The following SAMD12 variants were observed in gnomAD, a reference collection of about 807,000 sequenced individuals.
SAMD12 encodes the protein sterile alpha motif domain-containing protein 12.
SAMD12 carries 9 observed loss-of-function variants against 15.0 expected under a neutral mutation model. The observed-to-expected ratio is 0.60, with a 90% CI of 0.36 to 1.05. The LOEUF (loss-of-function observed/expected upper bound fraction) is 1.05, where lower values mean the gene tolerates loss of function less well. Ranked by LOEUF, SAMD12 falls within the 50% of genes least tolerant of loss-of-function variation. SAMD12 has a pLI of 0.01. For synonymous variants in SAMD12, 86 were observed against 90.1 expected (o/e 0.96, Z 0.25); for missense variants, 230 against 234.2 (o/e 0.98, Z 0.12).
At chr8:118,322,489 C>T (rs990931363) in intron 4 of SAMD12, among the ~76,000 whole-genome samples, 1 of 152,240 alleles carries the variant, frequency 6.6e-6, no homozygotes. Context: ...AGTCTGTTCT[C>T]AGTCATGTTC....
chr8:118,252,659 CCT>C (rs1467605009), intron 4 of SAMD12, among the ~76,000 whole-genome samples: 2 of 152,056 alleles, frequency 1.3e-5, no homozygotes, highest in Non-Finnish European at 2.9e-5. Flanking sequence ...TCTTTTCCTT[CCT>C]CTTTCTCTTT....
intron 2 of SAMD12, among the ~76,000 whole-genome samples, chr8:118,535,619 T>C (rs961257799): frequency 3.3e-5 from 5 of 152,206 alleles, no homozygotes; most frequent in Non-Finnish European, 7.4e-5. Context: ...CCCAGCTGCT[T>C]TGTTTACCTA....
chr8:118,446,157 T>C (rs1295368712), intron 2 of SAMD12, among the ~76,000 whole-genome samples: 15 of 152,022 alleles, frequency 9.9e-5, no homozygotes, highest in Admixed American at 9.2e-4. Flanking sequence ...GACAAAGTCC[T>C]GGGACCATAA....
intron 4 of SAMD12, among the ~76,000 whole-genome samples, chr8:118,362,147 G>A (rs1046952811): frequency 2.6e-5 from 4 of 151,884 alleles, no homozygotes; most frequent in African/African-American, 4.8e-5. Context: ...AAGAAAAGGA[G>A]AAGAAAAGGA....
chr8:118,258,631 C>T (rs1563719040), intron 4 of SAMD12, among the ~76,000 whole-genome samples: 1 of 152,034 alleles, frequency 6.6e-6, no homozygotes, highest in Non-Finnish European at 1.5e-5. Context: ...ATGATTTCTA[C>T]ATGGAAGCAG....
intron 1 of SAMD12, among the ~76,000 whole-genome samples, chr8:118,584,997 G>T (rs1827401021): frequency 6.6e-6 from 1 of 151,650 alleles, no homozygotes; most frequent in Non-Finnish European, 1.5e-5. Context: ...CAAGATATTT[G>T]TATGCTCATG....
At chr8:118,191,756 T>TTCTCTCTCTCTCTCTCTCTCTCTCTC (rs1819380190) in exon 5 of SAMD12, 3 of 15,360 alleles carry the variant, frequency 2.0e-4, no homozygotes, top group African/African-American at 6.4e-4. Flanking sequence ...ATACTGGAGA[T>TTCTCTCTCTCTCTCTCTCTCTCTCTC]TATATATATA....
intron 4 of SAMD12, among the ~76,000 whole-genome samples, chr8:118,248,231 T>C (rs910861418): frequency 6.6e-6 from 1 of 152,142 alleles, no homozygotes; most frequent in East Asian, 1.9e-4. Context: ...TAATTAATCA[T>C]TTTCTTATAC....
intron 3 of SAMD12, among the ~76,000 whole-genome samples, chr8:118,395,672 A>G (rs560504481): frequency 1.3e-5 from 2 of 152,230 alleles, no homozygotes; most frequent in South Asian, 4.1e-4. Flanking sequence ...GAATCATAAA[A>G]ATAGACTCAG....
Position 118,282,201 on chromosome 8 carries a change from AG to A in SAMD12, c.434-84470del, listed in dbSNP as rs1428156185. ...TACTTCCCTTTTTTCTTTTCTTCAG[AG>A]GGGAAATCTGGGTTTGGAGCAGCTA... On this transcript the variant is annotated intron_variant, in intron 4 of 4. Transcript: ENST00000409003. The A allele has an allele frequency of 4.1e-5, 18 of 434,162 alleles. No individual in the cohort carries two copies. In the Admixed American group the frequency reaches 4.8e-4, roughly 12 times the overall value. The allele number at this position is 434,162 out of a possible 1,614,324, so 26.9% of individuals were successfully genotyped here. A position where few individuals can be genotyped will look rare whatever the true frequency, so the allele number is the denominator to read the frequency against.
chr8:118,580,252 G>A (rs1435375549), intron 2 of SAMD12, among the ~76,000 whole-genome samples: 1 of 152,128 alleles, frequency 6.6e-6, no homozygotes, highest in Non-Finnish European at 1.5e-5. Context: ...ATACCTGTAA[G>A]CACAAGCCTC....
chr8:118,575,215 A>G (rs1827116996), intron 2 of SAMD12, among the ~76,000 whole-genome samples: 1 of 152,144 alleles, frequency 6.6e-6, no homozygotes, highest in African/African-American at 2.4e-5. Context: ...ACTAAATCTA[A>G]TATTAGCCTA....
intron 4 of SAMD12, among the ~76,000 whole-genome samples, chr8:118,324,678 T>A (rs555683322): frequency 6.6e-6 from 1 of 152,226 alleles, no homozygotes; most frequent in Non-Finnish European, 1.5e-5. Flanking sequence ...TGAATTGAAG[T>A]TAGACAGACA....
the SAMD12 span, among the ~76,000 whole-genome samples, chr8:118,171,328 C>A: frequency 6.6e-6 from 1 of 152,152 alleles, no homozygotes; most frequent in African/African-American, 2.4e-5. Context: ...CCTTAGTACA[C>A]TCCTTAGTAT....
At chr8:118,594,607 C>T (rs1486472774) in intron 1 of SAMD12, among the ~76,000 whole-genome samples, 2 of 151,936 alleles carry the variant, frequency 1.3e-5, no homozygotes, top group African/African-American at 2.4e-5. Context: ...AAAAAGGAAA[C>T]GTTTACCTCC....
At chr8:118,615,677 TG>T (rs1424259339) in intron 1 of SAMD12, among the ~76,000 whole-genome samples, 6 of 152,234 alleles carry the variant, frequency 3.9e-5, no homozygotes, top group Non-Finnish European at 4.4e-5. Flanking sequence ...CGTCATCCAC[TG>T]TGACTCAGCA....
intron 2 of SAMD12, among the ~76,000 whole-genome samples, chr8:118,459,931 G>C (rs7828344): frequency 6.6e-6 from 1 of 152,216 alleles, no homozygotes; most frequent in Non-Finnish European, 1.5e-5. Flanking sequence ...GTGGTGACAA[G>C]TGCCATGGAA....
At chr8:118,456,249 G>T (rs573011142) in intron 2 of SAMD12, among the ~76,000 whole-genome samples, 2 of 152,262 alleles carry the variant, frequency 1.3e-5, no homozygotes, top group East Asian at 3.9e-4. Context: ...TCTTTTCTCA[G>T]ATGTTCTTGT....
chr8:118,173,041 A>T, the SAMD12 span, among the ~76,000 whole-genome samples: 1 of 152,210 alleles, frequency 6.6e-6, no homozygotes, highest in Admixed American at 6.5e-5. Context: ...ATAATGTGCC[A>T]GTTCCTAGGA....
Sources: gnomAD v4.1 joint callset for allele counts (sites outside exome capture counted in the v4.1 genomes callset) on GRCh38, gnomAD v4.1.1 for gene constraint, MANE v1.5 for transcripts, NCBI Gene and HGNC (gene_info 2026-07-23, HGNC 2026-07-21) for gene names.